MPPED2: variants seen among roughly 807,000 people sequenced by gnomAD.
The protein encoded by MPPED2 is metallophosphoesterase MPPED2.
MPPED2 carries 5 observed loss-of-function variants against 33.0 expected under a neutral mutation model. The observed-to-expected ratio is 0.15, with a 90% CI of 0.08 to 0.32. The LOEUF is 0.32. Ranked by LOEUF, MPPED2 falls within the 10% of genes least tolerant of loss-of-function variation. MPPED2 has a pLI of 1.00. For missense variants in MPPED2, 275 were observed against 372.1 expected (o/e 0.74, Z 2.15); for synonymous variants, 136 against 141.9 (o/e 0.96, Z 0.29).
intron 2 of MPPED2, among the ~76,000 whole-genome samples, chr11:30,579,624 G>C (rs1366889889): frequency 6.6e-6 from 1 of 152,096 alleles, no homozygotes; most frequent in Non-Finnish European, 1.5e-5. Context: ...TAGTATTAGG[G>C]AGTGAGAGGA....
At chr11:30,586,686 C>T (rs1295977112), upstream of MPPED2, 1 of 152,290 alleles carries the variant, frequency 6.6e-6, no homozygotes, top group African/African-American at 2.4e-5. The surrounding 1 kb of genome is among the most constrained non-coding windows in gnomAD (Gnocchi z 4.8). Flanking sequence ...AGGGAGCTTT[C>T]TCCCAAATGG....
chr11:30,464,103 ATTATCCTAAC>A (rs1169947855), intron 4 of MPPED2, among the ~76,000 whole-genome samples: 6 of 152,336 alleles, frequency 3.9e-5, no homozygotes, highest in African/African-American at 1.4e-4. Flanking sequence ...CAATGTAAAT[ATTATCCTAAC>A]AAGTAAGTGA....
At chr11:30,426,451 C>T (rs704660) in intron 4 of MPPED2, among the ~76,000 whole-genome samples, 69,440 of 152,026 alleles carry the variant, frequency 0.46, 16,772 homozygotes, top group African/African-American at 0.64. Flanking sequence ...AGCTTGACCA[C>T]AGGGAGACCC....
chr11:30,474,202 C>T (rs780830632), intron 4 of MPPED2, among the ~76,000 whole-genome samples: 3 of 152,224 alleles, frequency 2.0e-5, no homozygotes, highest in Non-Finnish European at 4.4e-5. Flanking sequence ...TTCAATTCAT[C>T]ATCACCACCA....
chr11:30,437,015 G>A (rs894736626), intron 4 of MPPED2, among the ~76,000 whole-genome samples: 3 of 152,198 alleles, frequency 2.0e-5, no homozygotes, highest in African/African-American at 7.2e-5. Context: ...GCTGGCTGTG[G>A]GAGGGGCAGA....
intron 3 of MPPED2, among the ~76,000 whole-genome samples, chr11:30,497,196 A>G (rs1184750193): frequency 6.6e-6 from 1 of 152,244 alleles, no homozygotes; most frequent in Non-Finnish European, 1.5e-5. Flanking sequence ...TATGATGTAC[A>G]TAGCAAGTTG....
intron 3 of MPPED2, among the ~76,000 whole-genome samples, chr11:30,532,374 G>A (rs1024852680): frequency 6.6e-6 from 1 of 152,134 alleles, no homozygotes; most frequent in Admixed American, 6.5e-5. Flanking sequence ...ACTGTTATAA[G>A]GGAGGCTCAT....
At chr11:30,548,717 T>C (rs941938729) in intron 2 of MPPED2, among the ~76,000 whole-genome samples, 4 of 152,198 alleles carry the variant, frequency 2.6e-5, no homozygotes, top group Non-Finnish European at 5.9e-5. Context: ...ACTGGAGTAA[T>C]GTCATTAGAC....
At chr11:30,469,943 A>G (rs1029925985) in intron 4 of MPPED2, among the ~76,000 whole-genome samples, 2 of 152,172 alleles carry the variant, frequency 1.3e-5, no homozygotes, top group Non-Finnish European at 2.9e-5. Flanking sequence ...AGAGAACTCC[A>G]TGGAGAGTAG....
At chr11:30,436,319 T>TAC (rs1554966871) in intron 4 of MPPED2, among the ~76,000 whole-genome samples, 1 of 92,740 alleles carries the variant, frequency 1.1e-5, no homozygotes, top group Non-Finnish European at 2.0e-5. Context: ...TCTCAAACTT[T>TAC]AGACATCAGT....
exon 7 of MPPED2, chr11:30,386,307 C>A (rs1430037678): frequency 1.3e-5 from 2 of 157,206 alleles, no homozygotes; most frequent in South Asian, 2.0e-4. Context: ...GCCACCCCCC[C>A]ATCACAGGCC....
At chr11:30,473,164 T>C (rs1347186922) in intron 4 of MPPED2, among the ~76,000 whole-genome samples, 2 of 152,318 alleles carry the variant, frequency 1.3e-5, no homozygotes, top group South Asian at 4.2e-4. Flanking sequence ...CCCTTGGTTT[T>C]GGACATTTTT....
At chr11:30,464,268 A>ACAC (rs1950617729) in intron 4 of MPPED2, among the ~76,000 whole-genome samples, 6 of 145,916 alleles carry the variant, frequency 4.1e-5, no homozygotes, top group African/African-American at 1.3e-4. Flanking sequence ...AAAGGATACT[A>ACAC]ACACACACAC....
downstream of MPPED2, among the ~76,000 whole-genome samples, chr11:30,406,379 G>A (rs1947989539): frequency 6.6e-6 from 1 of 152,174 alleles, no homozygotes; most frequent in Non-Finnish European, 1.5e-5. Flanking sequence ...TCTTTGAATT[G>A]CTCTGTGACC....
intron 3 of MPPED2, among the ~76,000 whole-genome samples, chr11:30,529,214 A>C (rs1954371823): frequency 6.6e-6 from 1 of 152,220 alleles, no homozygotes; most frequent in Non-Finnish European, 1.5e-5. Context: ...ATGGGTGAAG[A>C]TTTCCTGCTA....
intron 3 of MPPED2, among the ~76,000 whole-genome samples, chr11:30,528,728 A>G (rs947888756): frequency 6.6e-6 from 1 of 152,166 alleles, no homozygotes; most frequent in African/African-American, 2.4e-5. Flanking sequence ...AAGTAGCTCA[A>G]ACTACAAGTG....
chr11:30,427,292 C>A (rs1948882762), intron 4 of MPPED2, among the ~76,000 whole-genome samples: 1 of 152,140 alleles, frequency 6.6e-6, no homozygotes, highest in Non-Finnish European at 1.5e-5. Flanking sequence ...GGAGAATTCA[C>A]AATTTTATTA....
At chr11:30,419,236 A>T (rs147880526) in intron 4 of MPPED2, among the ~76,000 whole-genome samples, 2 of 152,188 alleles carry the variant, frequency 1.3e-5, no homozygotes, top group African/African-American at 4.8e-5. Flanking sequence ...CTACTTTACA[A>T]TGAGGAAACT....
chr11:30,523,079 GGGGT>G (rs2134389385), intron 3 of MPPED2, among the ~76,000 whole-genome samples: 1 of 152,246 alleles, frequency 6.6e-6, no homozygotes, highest in East Asian at 1.9e-4. Context: ...AGTGACCACA[GGGGT>G]CAGGCAGAGT....
Sources: allele counts gnomAD v4.1 joint callset (sites outside exome capture counted in the v4.1 genomes callset), GRCh38; gene constraint gnomAD v4.1.1; non-coding constraint Gnocchi (gnomAD v3.1); transcripts MANE v1.5; gene names NCBI Gene and HGNC (gene_info 2026-07-23, HGNC 2026-07-21).